Variants in STEAP1B observed in about 807,000 individuals in gnomAD.
The protein encoded by STEAP1B is STEAP family protein MGC87042.
Under a neutral mutation model 27.9 loss-of-function variants are expected in STEAP1B, and 13 were observed. The ratio of observed to expected loss-of-function variants is 0.47; its 90% CI spans 0.30 to 0.74. The LOEUF is 0.74. Ranked by LOEUF, STEAP1B falls within the 30% of genes least tolerant of loss-of-function variation. The pLI, the probability that STEAP1B is intolerant of heterozygous loss-of-function variation, is 0.06. For missense variants in STEAP1B, 250 were observed against 298.7 expected, an observed-to-expected ratio of 0.84 and a Z score of 1.20; for synonymous variants, 86 against 107.1, an observed-to-expected ratio of 0.80 and a Z score of 1.22.
chr7:22,479,222 AG>A (rs1280772055), intron 4 of STEAP1B, among the ~76,000 whole-genome samples: 1 of 152,146 alleles, frequency 6.6e-6, no homozygotes, highest in East Asian at 1.9e-4. Flanking sequence ...ATCATAAACC[AG>A]GGTGGGGAAT....
chr7:22,440,918 T>C (rs1362912234), intron 4 of STEAP1B, among the ~76,000 whole-genome samples: 1 of 150,926 alleles, frequency 6.6e-6, no homozygotes, highest in Admixed American at 6.6e-5. Flanking sequence ...CATTTAAAAA[T>C]TGTGCTTTAA....
chr7:22,435,498 ACCCT>A (rs1785241950), intron 4 of STEAP1B, among the ~76,000 whole-genome samples: 1 of 152,116 alleles, frequency 6.6e-6, no homozygotes, highest in Non-Finnish European at 1.5e-5. Flanking sequence ...TTTATTGACA[ACCCT>A]CCATCAGTAA....
chr7:22,456,972 A>ATATATATATATATATATTT lies in STEAP1B; in HGVS notation c.762+35592_762+35593insAAATATATATATATATATA. 1.6e-3 allele frequency among the ~76,000 whole-genome samples: 93 copies of ATATATATATATATATATTT among 57,004 alleles called. 4 individuals carry two copies. The highest frequency in any genetic ancestry group is 6.3e-3 in the African/African-American group (90 of 14,210). The allele number at this position is 57,004 out of a possible 152,430, so 37.4% of individuals were successfully genotyped here. A position where few individuals can be genotyped will look rare whatever the true frequency, so the allele number is the denominator to read the frequency against. Reference sequence around the variant, plus strand: ...GGCAGCTATATATATATATATATATATTTTTTTTTTTTTTAAGTATCCTGG... The same window carrying ATATATATATATATATATTT: ...GGCAGCTATATATATATATATATATATATATATATATATATATTTTTTTTTTTTTTTTTAAGTATCCTGG... On this transcript the variant is annotated intron_variant, in intron 4 of 4. Transcript: ENST00000678116.
intron 4 of STEAP1B, among the ~76,000 whole-genome samples, chr7:22,421,619 C>T (rs1785044091): frequency 1.3e-5 from 2 of 152,200 alleles, no homozygotes; most frequent in South Asian, 4.1e-4. Flanking sequence ...ACTTTTTGGC[C>T]TCAAGGAGAG....
chr7:22,431,023 T>G (rs1785180765), intron 4 of STEAP1B, among the ~76,000 whole-genome samples: 1 of 152,240 alleles, frequency 6.6e-6, no homozygotes, highest in Admixed American at 6.5e-5. Context: ...CTCTGTCTTT[T>G]GGGGTGCAAT....
intron 4 of STEAP1B, among the ~76,000 whole-genome samples, chr7:22,471,712 G>A (rs941821823): frequency 6.6e-6 from 1 of 151,918 alleles, no homozygotes; most frequent in Non-Finnish European, 1.5e-5. Flanking sequence ...AAGCAGCCTG[G>A]GCAATATAGC....
chr7:22,480,383 G>A (rs758373331), intron 4 of STEAP1B, among the ~76,000 whole-genome samples: 8 of 152,268 alleles, frequency 5.3e-5, no homozygotes, highest in Non-Finnish European at 7.4e-5. Context: ...GTCTGTGAGC[G>A]GCAGCGCCTT....
intron 4 of STEAP1B, among the ~76,000 whole-genome samples, chr7:22,425,760 C>T (rs1056946024): frequency 6.6e-6 from 1 of 152,242 alleles, no homozygotes; most frequent in African/African-American, 2.4e-5. Flanking sequence ...AAATGGCCTC[C>T]TGCCTTAGAC....
intron 4 of STEAP1B, among the ~76,000 whole-genome samples, chr7:22,451,720 C>G (rs1012644696): frequency 6.6e-6 from 1 of 152,190 alleles, no homozygotes; most frequent in Admixed American, 6.5e-5. Context: ...ATCCTTGCAT[C>G]CCAGGGATAA....
intron 4 of STEAP1B, among the ~76,000 whole-genome samples, chr7:22,442,839 T>C (rs962944014): frequency 6.6e-6 from 1 of 151,912 alleles, no homozygotes; most frequent in Non-Finnish European, 1.5e-5. Flanking sequence ...CAGAAAGAAA[T>C]AGGAGTGATG....
chr7:22,495,407 G>A (rs1264172967), intron 1 of STEAP1B: 4 of 152,252 alleles, frequency 2.6e-5, no homozygotes, highest in African/African-American at 9.7e-5. Flanking sequence ...TGGAAGATGT[G>A]AATTGCCAGT....
chr7:22,478,916 G>A (rs937432119), intron 4 of STEAP1B, among the ~76,000 whole-genome samples: 1 of 152,162 alleles, frequency 6.6e-6, no homozygotes, highest in Non-Finnish European at 1.5e-5. Context: ...GGGGAACCGT[G>A]GAAGGAAGAG....
At chr7:22,436,469 C>T (rs550581747) in intron 4 of STEAP1B, among the ~76,000 whole-genome samples, 29 of 152,198 alleles carry the variant, frequency 1.9e-4, no homozygotes, top group Admixed American at 2.6e-4. Flanking sequence ...TATAGGTAAA[C>T]TTGTTATGCA....
At chr7:22,464,760 C>G (rs982190369) in intron 4 of STEAP1B, among the ~76,000 whole-genome samples, 13 of 151,212 alleles carry the variant, frequency 8.6e-5, no homozygotes, top group African/African-American at 2.9e-4. Flanking sequence ...AGAAATGAAA[C>G]TTGCTGACAC....
chr7:22,427,553 A>G (rs1424275911), intron 4 of STEAP1B, among the ~76,000 whole-genome samples: 2 of 152,254 alleles, frequency 1.3e-5, no homozygotes, highest in African/African-American at 4.8e-5. Context: ...TGACAGCATC[A>G]TGGAGCTACA....
chr7:22,461,420 G>A (rs1488533610), intron 4 of STEAP1B, among the ~76,000 whole-genome samples: 3 of 152,014 alleles, frequency 2.0e-5, no homozygotes, highest in Non-Finnish European at 2.9e-5. Context: ...CCACCACCAC[G>A]CCCAGCTAAT....
intron 4 of STEAP1B, among the ~76,000 whole-genome samples, chr7:22,480,725 T>G (rs1389182540): frequency 2.0e-5 from 3 of 152,200 alleles, no homozygotes; most frequent in Non-Finnish European, 4.4e-5. Flanking sequence ...GCAGCGGGTT[T>G]GTTGCTGCTA....
At chr7:22,467,545 G>A (rs1785806092) in intron 4 of STEAP1B, among the ~76,000 whole-genome samples, 1 of 152,160 alleles carries the variant, frequency 6.6e-6, no homozygotes, top group Admixed American at 6.5e-5. Flanking sequence ...GTTGTAGGAG[G>A]GACCCAGTGG....
At position 22,489,060 on chromosome 7, in the gene STEAP1B, T is replaced by C. The variant is rs557637243; in HGVS notation, c.762+3505A>G. Among the ~76,000 whole-genome samples, 22 of 152,336 alleles carry C rather than the reference T, an allele frequency of 1.4e-4. No homozygotes were observed. The South Asian group carries it at 3.1e-3, about 22-fold the overall frequency. On this transcript the variant is annotated intron_variant, in intron 4 of 4. Coordinates refer to ENST00000678116, the MANE Select transcript of STEAP1B (RefSeq NM_001382447.1). ...CAGAGCAGGCAACAGCGACACCTGCTGTTCAGAATAGATTCAAACCAGGCA... is the reference window on the plus strand; with the variant it reads ...CAGAGCAGGCAACAGCGACACCTGCCGTTCAGAATAGATTCAAACCAGGCA...
Sources: allele counts gnomAD v4.1 joint callset (sites outside exome capture counted in the v4.1 genomes callset), GRCh38; gene constraint gnomAD v4.1.1; transcripts MANE v1.5; gene names NCBI Gene and HGNC (gene_info 2026-07-23, HGNC 2026-07-21).